DLG2: variants seen among roughly 807,000 people sequenced by gnomAD.
The protein encoded by DLG2 is disks large homolog 2.
A neutral mutation model predicts 132.5 loss-of-function variants in DLG2; 45 were observed. The observed-to-expected ratio is 0.34, with a 90% CI of 0.27 to 0.44. The LOEUF (loss-of-function observed/expected upper bound fraction) is 0.44. Among genes scored for constraint, DLG2 ranks in the 20% least tolerant of loss-of-function variants. The pLI, the probability that DLG2 is intolerant of heterozygous loss-of-function variation, is 1.00. For missense variants in DLG2, 1,045 were observed against 1,196.9 expected (o/e 0.87, Z 1.87); for synonymous variants, 424 against 419.6 (o/e 1.01, Z -0.13).
Position 83,498,527 on chromosome 11 carries a change from C to T in DLG2, c.2194-14299G>A, listed in dbSNP as rs571475998. The stretch of plus-strand genomic sequence containing the variant: ...TGAATGAGAATGAAGACACAAGATA[C>T]CAAAATTTATAGGATGTAGCTAACA... On this transcript the variant is annotated intron_variant, in intron 21 of 27. Transcript: ENST00000376104. 4.6e-5 allele frequency among the ~76,000 whole-genome samples: 7 copies of T among 151,536 alleles called. No homozygotes were observed. In the South Asian group the frequency reaches 1.5e-3, roughly 32 times the overall value.
At chr11:84,922,484 TG>T (rs2092800001) in intron 6 of DLG2, among the ~76,000 whole-genome samples, 1 of 152,126 alleles carries the variant, frequency 6.6e-6, no homozygotes, top group Non-Finnish European at 1.5e-5. Context: ...TGAATGTCAG[TG>T]GGGTGACAAC....
At chr11:84,412,698 T>C (rs571959877) in intron 7 of DLG2, among the ~76,000 whole-genome samples, 2 of 152,276 alleles carry the variant, frequency 1.3e-5, no homozygotes, top group East Asian at 3.9e-4. Context: ...CCCAGTTTGC[T>C]CTGGTGGCAA....
Position 84,784,813 on chromosome 11 carries a change from G to A in DLG2, c.358-250082C>T, listed in dbSNP as rs759553938. Among the ~76,000 whole-genome samples, 156 of 152,174 alleles carry A rather than the reference G, an allele frequency of 1.0e-3. 1 individual carries two copies. Among genetic ancestry groups the A allele is most frequent in the African/African-American group, 3.2e-3 (132 of 41,538 alleles). On this transcript the variant is annotated intron_variant, in intron 6 of 27. Transcript: ENST00000376104. The stretch of plus-strand genomic sequence containing the variant: ...TAGAGACTGGGGTGATGTGGTGGCC[G>A]TTGGGGAGATGTTGGTCAAAGTATA...
chr11:84,980,970 ACT>A (rs2055653064), intron 6 of DLG2, among the ~76,000 whole-genome samples: 1 of 151,794 alleles, frequency 6.6e-6, no homozygotes, highest in Admixed American at 6.6e-5. Context: ...GCTCTCATAG[ACT>A]CTGGGCATAG....
chr11:83,810,472 G>A (rs76050167), intron 17 of DLG2, among the ~76,000 whole-genome samples: 66 of 152,072 alleles, frequency 4.3e-4, no homozygotes, highest in African/African-American at 1.6e-3. Flanking sequence ...AAAAATCCAG[G>A]GATAGGTATA....
intron 6 of DLG2, among the ~76,000 whole-genome samples, chr11:85,043,098 C>A (rs2062016918): frequency 6.6e-6 from 1 of 151,772 alleles, no homozygotes; most frequent in Non-Finnish European, 1.5e-5. Context: ...ACTGCCATCC[C>A]TACACTAATA....
rs568823135 is a variant in DLG2 at position 84,780,779 on chromosome 11, T to C, written c.358-246048A>G. Among the ~76,000 whole-genome samples, 3 of 152,260 alleles carry C rather than the reference T, an allele frequency of 2.0e-5. 1 individual carries two copies. The highest frequency in any genetic ancestry group is 2.0e-4 in the Admixed American group (3 of 15,288). ...AATATACACATTTAGTAACAAATGA[T>C]ACTATTATCGCAAAATTTGTGGATG... is the stretch of plus-strand genomic sequence containing the variant. On this transcript the variant is annotated intron_variant, in intron 6 of 27. Coordinates refer to ENST00000376104, the MANE Select transcript of DLG2 (RefSeq NM_001142699.3).
chr11:84,065,211 T>G (rs1412907129), intron 10 of DLG2, among the ~76,000 whole-genome samples: 1 of 151,968 alleles, frequency 6.6e-6, no homozygotes, highest in African/African-American at 2.4e-5. Context: ...AACCAAAAAT[T>G]GACAAATGGG....
At chr11:84,224,956 G>C (rs2096968968) in intron 8 of DLG2, among the ~76,000 whole-genome samples, 1 of 152,070 alleles carries the variant, frequency 6.6e-6, no homozygotes, top group Non-Finnish European at 1.5e-5. Flanking sequence ...TTTAAATTTA[G>C]TTTACAAAGA....
chr11:84,530,121 A>G (rs974800968), intron 7 of DLG2, among the ~76,000 whole-genome samples: 2 of 152,202 alleles, frequency 1.3e-5, no homozygotes, highest in Non-Finnish European at 1.5e-5. Flanking sequence ...CCCCTTCCTT[A>G]TACCACGTAC....
intron 3 of DLG2, among the ~76,000 whole-genome samples, chr11:85,471,147 T>G (rs1192961777): frequency 6.6e-6 from 1 of 152,196 alleles, no homozygotes; most frequent in Non-Finnish European, 1.5e-5. Context: ...TAGTTCCTGG[T>G]ACATGTAGAA....
intron 11 of DLG2, among the ~76,000 whole-genome samples, chr11:84,007,818 G>T (rs1483261202): frequency 6.6e-6 from 1 of 151,598 alleles, no homozygotes; most frequent in Non-Finnish European, 1.5e-5. Flanking sequence ...GTTTTATCAG[G>T]AAAATGATAT....
intron 3 of DLG2, among the ~76,000 whole-genome samples, chr11:85,358,709 C>T (rs2083924134): frequency 6.6e-6 from 1 of 152,184 alleles, no homozygotes; most frequent in Admixed American, 6.5e-5. Flanking sequence ...GAACCAAACA[C>T]TGAATCTTAA....
chr11:84,889,249 T>C (rs577769740), intron 6 of DLG2, among the ~76,000 whole-genome samples: 45 of 152,270 alleles, frequency 3.0e-4, no homozygotes, highest in African/African-American at 9.4e-4. Context: ...TACAGCATTA[T>C]GGATTGTTAA....
intron 18 of DLG2, among the ~76,000 whole-genome samples, chr11:83,782,078 G>C (rs868204894): frequency 2.0e-5 from 3 of 152,120 alleles, no homozygotes; most frequent in African/African-American, 7.2e-5. Flanking sequence ...AGGGGAAATG[G>C]AGTTTATCTA....
chr11:84,343,378 C>A (rs2098524657), intron 7 of DLG2, among the ~76,000 whole-genome samples: 1 of 152,072 alleles, frequency 6.6e-6, no homozygotes, highest in Admixed American at 6.6e-5. Context: ...AGGGAAAAGC[C>A]CTGAATTATG....
chr11:84,029,242 C>A (rs1009593906), intron 11 of DLG2, among the ~76,000 whole-genome samples: 1 of 151,890 alleles, frequency 6.6e-6, no homozygotes, highest in African/African-American at 2.4e-5. Flanking sequence ...AAACACTGAC[C>A]ACCAATAAAA....
At chr11:84,991,359 A>G (rs944275409) in intron 6 of DLG2, among the ~76,000 whole-genome samples, 4 of 152,002 alleles carry the variant, frequency 2.6e-5, no homozygotes, top group Non-Finnish European at 4.4e-5. Flanking sequence ...CAATATAAAA[A>G]TGAGCTGAGC....
At chr11:83,921,247 C>T (rs1253503172) in intron 15 of DLG2, among the ~76,000 whole-genome samples, 1 of 152,086 alleles carries the variant, frequency 6.6e-6, no homozygotes, top group Non-Finnish European at 1.5e-5. Flanking sequence ...CCATCATCAT[C>T]ATCTGTATTG....
Sources: gnomAD v4.1 joint callset for allele counts (sites outside exome capture counted in the v4.1 genomes callset) on GRCh38, gnomAD v4.1.1 for gene constraint, MANE v1.5 for transcripts, NCBI Gene and HGNC (gene_info 2026-07-23, HGNC 2026-07-21) for gene names.